CSMD1: variants seen among roughly 807,000 people sequenced by gnomAD.
CSMD1 encodes the protein CUB and Sushi multiple domains 1.
In CSMD1, 213 loss-of-function variants were observed where a neutral mutation model predicts 417.5. That is an observed-to-expected ratio of 0.51 (90% CI 0.46 to 0.57). CSMD1 has a LOEUF of 0.57. Among genes scored for constraint, CSMD1 ranks in the 20% least tolerant of loss-of-function variants. The probability of loss-of-function intolerance (pLI) is 0.00; values close to 1 mark genes in which losing one functional copy is unlikely to be tolerated. For synonymous variants in CSMD1, 2,862 were observed against 1,736.8 expected (o/e 1.65, Z -16.11); for missense variants, 6,923 against 4,529.7 (o/e 1.53, Z -15.17).
At chr8:3,767,008 T>C (rs577356077) in intron 5 of CSMD1, among the ~76,000 whole-genome samples, 46 of 152,290 alleles carry the variant, frequency 3.0e-4, no homozygotes, top group African/African-American at 1.1e-3. Flanking sequence ...GCCCTCAACA[T>C]CTGAGATCAT....
At chr8:4,532,991 G>A (rs755874714) in intron 2 of CSMD1, among the ~76,000 whole-genome samples, 1 of 152,160 alleles carries the variant, frequency 6.6e-6, no homozygotes, top group Non-Finnish European at 1.5e-5. Flanking sequence ...CTCTGGAAAA[G>A]AAATCCTGCA....
chr8:4,458,902 A>G (rs1404679978), intron 2 of CSMD1, among the ~76,000 whole-genome samples: 1 of 152,214 alleles, frequency 6.6e-6, no homozygotes, highest in East Asian at 1.9e-4. Context: ...TGGGTGGAGA[A>G]TGTATTAAAA....
At chr8:3,242,447 A>G (rs1268118132) in intron 26 of CSMD1, among the ~76,000 whole-genome samples, 1 of 152,118 alleles carries the variant, frequency 6.6e-6, no homozygotes, top group African/African-American at 2.4e-5. Flanking sequence ...GATGTGTAAA[A>G]GAATGCCTGG....
chr8:4,945,441 T>C (rs765745617), intron 1 of CSMD1, among the ~76,000 whole-genome samples: 2 of 150,966 alleles, frequency 1.3e-5, no homozygotes, highest in African/African-American at 2.4e-5. Context: ...AAAAAATACA[T>C]CCCAGCATTT....
intron 3 of CSMD1, among the ~76,000 whole-genome samples, chr8:4,352,081 CT>C (rs1473375968): frequency 6.6e-5 from 10 of 151,966 alleles, no homozygotes; most frequent in African/African-American, 2.4e-4. Flanking sequence ...AGCCACTCTC[CT>C]TCTACTGCTG....
chr8:3,343,100 C>T (rs1807768178), intron 23 of CSMD1, among the ~76,000 whole-genome samples, 194 bp downstream of exon 23: 1 of 152,032 alleles, frequency 6.6e-6, no homozygotes, highest in Admixed American at 6.6e-5. Context: ...TTAATATTTC[C>T]AAATAGATAA....
chr8:3,913,318 C>G lies in CSMD1; in HGVS notation c.818+84585G>C, dbSNP rs1480976825. On this transcript the variant is annotated intron_variant, in intron 5 of 69. Coordinates refer to ENST00000635120, the MANE Select transcript of CSMD1 (RefSeq NM_033225.6). Reference sequence around the variant, plus strand: ...ATCCTGTGAGGACCATCGACCTGCTCAGGAGTGAGAATCCAAGGCCAATCC... The same window carrying G: ...ATCCTGTGAGGACCATCGACCTGCTGAGGAGTGAGAATCCAAGGCCAATCC... 2.0e-5 allele frequency among the ~76,000 whole-genome samples: 3 copies of G among 152,138 alleles called. No individual in the cohort carries two copies. The East Asian group carries it at 5.8e-4, about 29-fold the overall frequency.
At chr8:3,194,887 C>T (rs1239406954) in intron 33 of CSMD1, among the ~76,000 whole-genome samples, 1 of 151,994 alleles carries the variant, frequency 6.6e-6, no homozygotes, top group African/African-American at 2.4e-5. Context: ...GGTGAGGAGC[C>T]TGGGAGAGGA....
rs1355314705 is a variant in CSMD1, at chr8:3,029,509, G to A, written c.7665C>T (p.Val2555=). Reference sequence around the variant, plus strand: ...GCTGAGCTTCAATGCTGGGGCAAGCGACCGCTGGAAGGGAAACGTACATCA... The same window carrying A: ...GCTGAGCTTCAATGCTGGGGCAAGCAACCGCTGGAAGGGAAACGTACATCA... ...NKGKPPTCKP[V]ACPSIEAQLS... is the part of the protein sequence containing the mutation. The change falls in exon 51 of 70, where the codon GTC becomes GTT. Residue 2555 remains valine (V), a synonymous_variant. Coordinates refer to ENST00000635120, the MANE Select transcript of CSMD1 (RefSeq NM_033225.6). The A allele has an allele frequency of 3.6e-5, 58 of 1,591,862 alleles. No homozygotes were observed. The highest frequency in any genetic ancestry group is 4.4e-5 in the Non-Finnish European group (52 of 1,168,952).
intron 57 of CSMD1, among the ~76,000 whole-genome samples, chr8:2,968,861 A>G (rs1369699421): frequency 6.6e-6 from 1 of 152,180 alleles, no homozygotes; most frequent in Non-Finnish European, 1.5e-5. Flanking sequence ...CTTTTGAAAT[A>G]TGCTTTTATA....
chr8:4,278,927 A>G (rs1203445108), intron 3 of CSMD1, among the ~76,000 whole-genome samples: 4 of 152,236 alleles, frequency 2.6e-5, no homozygotes, highest in African/African-American at 9.6e-5. Flanking sequence ...AGCCTCATTT[A>G]AAAATACTTG....
intron 22 of CSMD1, among the ~76,000 whole-genome samples, chr8:3,344,765 G>T (rs907929865): frequency 2.6e-5 from 4 of 151,954 alleles, no homozygotes; most frequent in South Asian, 2.1e-4. Flanking sequence ...TAAACCCAGG[G>T]ATGTACACAG....
intron 5 of CSMD1, among the ~76,000 whole-genome samples, chr8:3,825,420 T>G (rs1354280953): frequency 6.6e-6 from 1 of 152,058 alleles, no homozygotes; most frequent in Non-Finnish European, 1.5e-5. Context: ...TCCCAGGTAC[T>G]TGGGAGGCTG....
At chr8:4,731,247 C>T (rs1004399931) in intron 1 of CSMD1, among the ~76,000 whole-genome samples, 2 of 152,136 alleles carry the variant, frequency 1.3e-5, no homozygotes, top group African/African-American at 4.8e-5. Context: ...CACAAGATGC[C>T]CACCTCAACC....
chr8:4,150,723 A>G (rs1480953182), intron 3 of CSMD1, among the ~76,000 whole-genome samples: 14 of 152,210 alleles, frequency 9.2e-5, no homozygotes, highest in Admixed American at 9.2e-4. Flanking sequence ...GCAGATTCAG[A>G]ATGCAGATTA....
intron 3 of CSMD1, among the ~76,000 whole-genome samples, chr8:4,312,891 C>A (rs1798710513): frequency 2.6e-5 from 4 of 152,094 alleles, no homozygotes; most frequent in African/African-American, 7.2e-5. Flanking sequence ...AAAAAGCTTT[C>A]ATCACACGTG....
At position 3,859,008 on chromosome 8, in the gene CSMD1, C is replaced by T. The variant is rs150102288; in HGVS notation, c.819-104966G>A. ...TCTTCTACTCCACACCTTCATAGTG[C>T]TATGAAGTGTTCCCTAAAAGACCTT... On this transcript the variant is annotated intron_variant, in intron 5 of 69. Coordinates refer to ENST00000635120, the MANE Select transcript of CSMD1 (RefSeq NM_033225.6). 2.5e-3 allele frequency among the ~76,000 whole-genome samples: 383 copies of T among 152,302 alleles called. 1 individual carries two copies. Among genetic ancestry groups the T allele is most frequent in the African/African-American group, 7.7e-3 (319 of 41,560 alleles).
intron 7 of CSMD1, among the ~76,000 whole-genome samples, chr8:3,629,240 G>A (rs937405029): frequency 2.0e-5 from 3 of 152,152 alleles, no homozygotes; most frequent in Admixed American, 6.5e-5. Context: ...AGTTACTGAG[G>A]CAAAGGTCAA....
At chr8:3,709,585 C>A (rs550800092) in intron 6 of CSMD1, among the ~76,000 whole-genome samples, 1 of 150,474 alleles carries the variant, frequency 6.6e-6, no homozygotes, top group Non-Finnish European at 1.5e-5. Flanking sequence ...GGGCCTGGTC[C>A]AGTCAGATGA....
Sources: allele counts gnomAD v4.1 joint callset (sites outside exome capture counted in the v4.1 genomes callset), GRCh38; gene constraint gnomAD v4.1.1; transcripts MANE v1.5; gene names NCBI Gene and HGNC (gene_info 2026-07-23, HGNC 2026-07-21).